The following ARAP2 variants were observed in gnomAD, a reference collection of about 807,000 sequenced individuals.
The protein encoded by ARAP2 is ArfGAP with RhoGAP domain, ankyrin repeat and PH domain 2.
ARAP2 carries 148 observed loss-of-function variants against 194.5 expected under a neutral mutation model. The ratio of observed to expected loss-of-function variants is 0.76; its 90% CI spans 0.67 to 0.87. ARAP2 has a LOEUF of 0.87. Among genes scored for constraint, ARAP2 ranks in the 40% least tolerant of loss-of-function variants. ARAP2 has a pLI of 0.00. For synonymous variants in ARAP2, 695 were observed against 683.5 expected (o/e 1.02, Z -0.26); for missense variants, 2,128 against 1,989.7 (o/e 1.07, Z -1.32).
rs188241660 is a variant in ARAP2 at position 36,067,993 on chromosome 4, A to T, written c.5029T>A (p.Ser1677Thr). 40 of 1,614,146 alleles carry T rather than the reference A, an allele frequency of 2.5e-5. No homozygotes were observed. Among genetic ancestry groups the T allele is most frequent in the East Asian group, 4.5e-5 (2 of 44,882 alleles). Residue 1677 changes from serine to threonine, a missense_variant, in exon 33 of 33, where the codon TCA (serine) becomes ACA (threonine). Transcript: ENST00000303965. ...ACATTAAGTTCTTCAATTACCCTTG[A>T]TGGTAACTTATGATCAGAGTCCAAA... ...ATLDSDHKLP[S>T]RVIEELNVVL... is the part of the protein sequence containing the mutation.
chr4:36,065,087 C>G (rs1725178920), downstream of ARAP2: 1 of 210,008 alleles, frequency 4.8e-6, no homozygotes, highest in Non-Finnish European at 1.0e-5. Flanking sequence ...GTTGAGGTCC[C>G]CAGACTTGGG....
chr4:36,123,330 A>G (rs930503739), intron 22 of ARAP2, among the ~76,000 whole-genome samples: 4 of 151,730 alleles, frequency 2.6e-5, no homozygotes, highest in Non-Finnish European at 5.9e-5. Flanking sequence ...GTAGGGATTG[A>G]ATTAAAGGCT....
intron 25 of ARAP2, among the ~76,000 whole-genome samples, chr4:36,116,859 T>G (rs937401727): frequency 6.6e-6 from 1 of 151,698 alleles, no homozygotes; most frequent in Non-Finnish European, 1.5e-5. Context: ...TAACACGTAA[T>G]CCAAAGCACA....
intron 15 of ARAP2, among the ~76,000 whole-genome samples, chr4:36,158,038 T>C (rs1732988418): frequency 6.6e-6 from 1 of 152,184 alleles, no homozygotes; most frequent in Non-Finnish European, 1.5e-5. Flanking sequence ...CAGACTGCAT[T>C]ATATTTTCCT....
intron 27 of ARAP2, among the ~76,000 whole-genome samples, chr4:36,099,298 T>C (rs1577875258): frequency 6.6e-6 from 1 of 152,166 alleles, no homozygotes; most frequent in African/African-American, 2.4e-5. Flanking sequence ...TTATCCAGTC[T>C]ATCGTTGATG....
intron 6 of ARAP2, among the ~76,000 whole-genome samples, chr4:36,207,816 G>A (rs563397689): frequency 5.3e-5 from 8 of 151,862 alleles, no homozygotes; most frequent in Non-Finnish European, 1.2e-4. Context: ...CCCTGTTAAT[G>A]TTTATCAGTA....
intron 1 of ARAP2, among the ~76,000 whole-genome samples, chr4:36,236,928 G>A (rs9992386): frequency 0.028 from 4,267 of 152,214 alleles, 102 homozygotes; most frequent in African/African-American, 0.062. Flanking sequence ...CCAACACTAC[G>A]GATGATAAAA....
intron 24 of ARAP2, 64 bp downstream of exon 24, chr4:36,119,586 C>A (rs904282949): frequency 8.4e-7 from 1 of 1,183,938 alleles, no homozygotes; most frequent in South Asian, 1.4e-5. Context: ...CAGCAAATGT[C>A]TTTACTTACA....
chr4:36,017,491 CTT>C (rs1338059299), intron 6 of ARAP2, among the ~76,000 whole-genome samples: 1 of 134,580 alleles, frequency 7.4e-6, no homozygotes, highest in Non-Finnish European at 1.5e-5. Flanking sequence ...AGGAGTTACT[CTT>C]TTACAAAAAA....
At chr4:36,228,190 C>T (rs1750733571) in intron 2 of ARAP2, among the ~76,000 whole-genome samples, 1 of 152,064 alleles carries the variant, frequency 6.6e-6, no homozygotes, top group African/African-American at 2.4e-5. Context: ...AGCAGAGATA[C>T]AAACATTAAA....
chr4:36,198,861 G>A (rs1271299401), intron 6 of ARAP2, among the ~76,000 whole-genome samples: 1 of 152,220 alleles, frequency 6.6e-6, no homozygotes, highest in Non-Finnish European at 1.5e-5. Context: ...CTGCAACTGG[G>A]AACACAGGGC....
chr4:36,204,738 C>T (rs1201039537), intron 6 of ARAP2, among the ~76,000 whole-genome samples: 2 of 151,368 alleles, frequency 1.3e-5, no homozygotes, highest in Non-Finnish European at 1.5e-5. Context: ...TGCCTGTAAT[C>T]CCAGCACTGT....
At chr4:36,177,708 G>T in intron 9 of ARAP2, 119 bp downstream of exon 9, 1 of 959,854 alleles carries the variant, frequency 1.0e-6, no homozygotes, top group East Asian at 2.7e-5. Context: ...ATATTTAGTG[G>T]AGTACACAAT....
intron 19 of ARAP2, among the ~76,000 whole-genome samples, chr4:36,142,843 C>A (rs544161723): frequency 1.5e-4 from 23 of 151,780 alleles, no homozygotes; most frequent in African/African-American, 5.5e-4. Flanking sequence ...TCCTTCTTTA[C>A]GCTGGCAACT....
chr4:36,052,095 T>G (rs1410743292), intron 2 of ARAP2: 1 of 152,202 alleles, frequency 6.6e-6, no homozygotes, highest in Non-Finnish European at 1.5e-5. Context: ...TATGAAAATT[T>G]TCTGAAAGTT....
chr4:36,083,514 G>A (rs921081063), intron 28 of ARAP2, 64 bp from the exon 29 acceptor site: 1 of 1,158,304 alleles, frequency 8.6e-7, no homozygotes, highest in African/African-American at 1.6e-5. Flanking sequence ...TTTTCTTTGA[G>A]CATTAATGAT....
chr4:36,065,215 C>T (rs1192004217), downstream of ARAP2: 2 of 375,452 alleles, frequency 5.3e-6, no homozygotes, highest in East Asian at 7.3e-5. Flanking sequence ...TCAGAGTGAG[C>T]CTGCTCTTGC....
At chr4:36,217,244 G>T (rs1748132589) in intron 2 of ARAP2, among the ~76,000 whole-genome samples, 1 of 152,196 alleles carries the variant, frequency 6.6e-6, no homozygotes, top group Non-Finnish European at 1.5e-5. Context: ...AAGCATGGTG[G>T]CTCACACCTG....
At position 36,073,725 on chromosome 4, in the gene ARAP2, A is replaced by G; in HGVS notation, c.4707T>C (p.His1569=). The G allele has an allele frequency of 6.2e-7, 1 of 1,612,922 alleles. No individual in the cohort carries two copies. Among genetic ancestry groups the G allele is most frequent in the Non-Finnish European group, 8.5e-7 (1 of 1,179,188 alleles). The change falls in exon 32 of 33, where the codon CAT becomes CAC. Residue 1569 remains histidine, a synonymous_variant. Coordinates refer to ENST00000303965, the MANE Select transcript of ARAP2 (RefSeq NM_015230.4). ...TCCGGGCCAAGGTTGCATTCCCCTC[A>G]TGCTGTATAGGAATCAGAGGCAAAC... ...IGGLPLIPIQ[H]EGNATLARKN... is the part of the protein sequence containing the mutation.
Sources: allele counts gnomAD v4.1 joint callset (sites outside exome capture counted in the v4.1 genomes callset), GRCh38; gene constraint gnomAD v4.1.1; transcripts MANE v1.5; gene names NCBI Gene and HGNC (gene_info 2026-07-23, HGNC 2026-07-21).